The following STAMBP variants were observed in gnomAD, a reference collection of about 807,000 sequenced individuals.
The protein encoded by STAMBP is STAM-binding protein.
STAMBP carries 31 observed loss-of-function variants against 50.7 expected under a neutral mutation model. The observed-to-expected ratio is 0.61, with a 90% CI of 0.46 to 0.83. The LOEUF (loss-of-function observed/expected upper bound fraction) is 0.83, where lower values mean the gene tolerates loss of function less well. Ranked by LOEUF, STAMBP falls within the 40% of genes least tolerant of loss-of-function variation. The pLI, the probability that STAMBP is intolerant of heterozygous loss-of-function variation, is 0.00. For synonymous variants in STAMBP, 211 were observed against 192.4 expected, an observed-to-expected ratio of 1.10 and a Z score of -0.80; for missense variants, 472 against 518.9, an observed-to-expected ratio of 0.91 and a Z score of 0.88.
chr2:73,830,785 G>C (rs926598211), intron 1 of STAMBP, 60 bp from the exon 2 acceptor site: 2 of 1,345,500 alleles, frequency 1.5e-6, no homozygotes, highest in East Asian at 4.8e-5. Context: ...GAGATAAACT[G>C]TAAAACTGCT....
chr2:73,860,670 T>G (rs1019552737), intron 9 of STAMBP: 6 of 488,218 alleles, frequency 1.2e-5, no homozygotes, highest in Middle Eastern at 1.1e-3. Context: ...TTTCCCTATG[T>G]TGTGGTCTGT....
At chr2:73,855,690 C>T (rs1677463966) in intron 7 of STAMBP, 1 of 456,126 alleles carries the variant, frequency 2.2e-6, no homozygotes, top group South Asian at 1.5e-5. Flanking sequence ...TTGCTGCCTG[C>T]ACTGAGCTAA....
chr2:73,870,010 C>G (rs924734566), downstream of STAMBP: 1 of 152,194 alleles, frequency 6.6e-6, no homozygotes, highest in Admixed American at 6.5e-5. Flanking sequence ...TATTAGTTAT[C>G]TGTAGGTGAT....
At chr2:73,867,316 G>C (rs900941564), downstream of STAMBP, 2 of 152,206 alleles carry the variant, frequency 1.3e-5, no homozygotes, top group African/African-American at 4.8e-5. Flanking sequence ...AGGCCAAGGC[G>C]GGTGGATCAC....
At chr2:73,851,865 A>G (rs1271593344) in intron 7 of STAMBP, among the ~76,000 whole-genome samples, 6 of 151,734 alleles carry the variant, frequency 4.0e-5, no homozygotes, top group African/African-American at 1.5e-4. Flanking sequence ...GTCTCGAACT[A>G]CTGATCTCAG....
intron 5 of STAMBP, among the ~76,000 whole-genome samples, chr2:73,848,913 T>G (rs11887510): frequency 0.02 from 3,120 of 152,282 alleles, 107 homozygotes; most frequent in African/African-American, 0.068. Flanking sequence ...TTTAAGTTTT[T>G]GTGGGTACAT....
downstream of STAMBP, chr2:73,870,233 G>C (rs891692050): frequency 6.6e-6 from 1 of 152,210 alleles, no homozygotes. Context: ...GAAAGCTCTT[G>C]GGCGTAGCAG....
At chr2:73,870,823 GT>G (rs769397308), downstream of STAMBP, among the ~76,000 whole-genome samples, 585 of 152,272 alleles carry the variant, frequency 3.8e-3, 1 homozygote, top group Non-Finnish European at 5.9e-3. Context: ...CCTGTGCCAC[GT>G]TGAACAGCTC....
intron 2 of STAMBP, among the ~76,000 whole-genome samples, chr2:73,835,092 G>A (rs12475234): frequency 0.01 from 1,554 of 152,238 alleles, 93 homozygotes; most frequent in Admixed American, 0.078. Flanking sequence ...ATGAGGTCTC[G>A]GCCGGGCACA....
intron 7 of STAMBP, among the ~76,000 whole-genome samples, chr2:73,856,416 A>G (rs1451331452): frequency 6.6e-6 from 1 of 152,276 alleles, no homozygotes; most frequent in African/African-American, 2.4e-5. Context: ...CATCTGTTCC[A>G]GAATGGGTGA....
At chr2:73,870,769 C>T (rs137930111), downstream of STAMBP, among the ~76,000 whole-genome samples, 241 of 152,274 alleles carry the variant, frequency 1.6e-3, no homozygotes, top group African/African-American at 5.6e-3. Context: ...CATATCAAAG[C>T]ACAATTCCAT....
In STAMBP at chr2:73,847,446, A is replaced by G; in HGVS notation, c.435A>G (p.Glu145=). 6.2e-7 allele frequency: 1 copy of G among 1,613,914 alleles called. No homozygotes were observed. The highest frequency in any genetic ancestry group is 8.5e-7 in the Non-Finnish European group (1 of 1,179,850). ...CCATCCAGCAAGAGCTGGAAAAGGA[A>G]AAACAGAGGGTAGCACAACAGAAGC... The part of the protein sequence containing the change: ...NMAIQQELEK[E]KQRVAQQKQQ... Residue 145 remains glutamate, a synonymous_variant, in exon 5 of 10, where the codon GAA becomes GAG. Coordinates refer to ENST00000394070, the MANE Select transcript of STAMBP (RefSeq NM_213622.4).
At chr2:73,849,043 A>C (rs904744163) in intron 5 of STAMBP, among the ~76,000 whole-genome samples, 31 of 152,194 alleles carry the variant, frequency 2.0e-4, no homozygotes, top group Non-Finnish European at 4.6e-4. Flanking sequence ...TTGAGTTACA[A>C]ACAATCCAAT....
chr2:73,837,360 C>T (rs770111350), intron 2 of STAMBP, among the ~76,000 whole-genome samples: 7 of 151,932 alleles, frequency 4.6e-5, no homozygotes, highest in South Asian at 2.1e-4. Context: ...CCAAGGCTGG[C>T]GGATCACGAG....
chr2:73,834,008 C>G lies in STAMBP; in HGVS notation c.203+2949C>G, dbSNP rs1573244677. ...GATGGATCACTTGAGGTCAGGAGTT[C>G]AAGACAAGCCTCGTCAACATGGTGA... On this transcript the variant is annotated intron_variant, in intron 2 of 9. Coordinates refer to ENST00000394070, the MANE Select transcript of STAMBP (RefSeq NM_213622.4). Among the ~76,000 whole-genome samples the G allele has an allele frequency of 2.0e-5, 3 of 151,254 alleles. No individual in the cohort carries two copies. The South Asian group carries it at 6.3e-4, about 32-fold the overall frequency.
At chr2:73,869,255 G>A (rs1053017088), downstream of STAMBP, among the ~76,000 whole-genome samples, 1 of 151,836 alleles carries the variant, frequency 6.6e-6, no homozygotes, top group African/African-American at 2.4e-5. Context: ...GTGATTGGGG[G>A]AAAAAAAATC....
intron 7 of STAMBP, among the ~76,000 whole-genome samples, chr2:73,852,845 TTGTGTGTGTGTGTGTGTGTGTGTGTG>T (rs55727735): frequency 7.8e-6 from 1 of 127,606 alleles, no homozygotes; most frequent in Non-Finnish European, 1.6e-5. Context: ...GCCTGGCTAA[TTGTGTGTGTGTGTGTGTGTGTGTGTG>T]TGTGTGTGTG....
intron 7 of STAMBP, among the ~76,000 whole-genome samples, chr2:73,852,426 G>A (rs1676947748): frequency 6.6e-6 from 1 of 152,208 alleles, no homozygotes; most frequent in South Asian, 2.1e-4. Context: ...TTATCAGCCA[G>A]TTGGCAATGT....
At chr2:73,846,911 G>T (rs1226471496) in intron 4 of STAMBP, among the ~76,000 whole-genome samples, 1 of 151,862 alleles carries the variant, frequency 6.6e-6, no homozygotes, top group Non-Finnish European at 1.5e-5. Context: ...GCGAAACCCT[G>T]TCTCTACAAA....
Sources: gnomAD v4.1 joint callset for allele counts (sites outside exome capture counted in the v4.1 genomes callset) on GRCh38, gnomAD v4.1.1 for gene constraint, MANE v1.5 for transcripts, NCBI Gene and HGNC (gene_info 2026-07-23, HGNC 2026-07-21) for gene names.